The following ANKRD31 variants were observed in gnomAD, a reference collection of about 807,000 sequenced individuals.
ANKRD31 encodes ankyrin repeat domain-containing protein 31.
In ANKRD31, 147 loss-of-function variants were observed where a neutral mutation model predicts 186.0. The observed-to-expected ratio is 0.79, with a 90% CI of 0.69 to 0.91. ANKRD31 has a LOEUF of 0.91. ANKRD31 is among the 40% of genes least tolerant of loss of function. The pLI is 0.00. For synonymous variants in ANKRD31, 673 were observed against 736.4 expected (o/e 0.91, Z 1.39); for missense variants, 1,986 against 2,148.8 (o/e 0.92, Z 1.50).
chr5:75,207,909 C>T (rs1439122320), intron 4 of ANKRD31, among the ~76,000 whole-genome samples: 1 of 150,890 alleles, frequency 6.6e-6, no homozygotes, highest in Non-Finnish European at 1.5e-5. Flanking sequence ...CTTCAGACTC[C>T]TTTATACTCT....
intron 22 of ANKRD31, among the ~76,000 whole-genome samples, chr5:75,103,916 G>A (rs940374817): frequency 3.3e-5 from 5 of 152,064 alleles, no homozygotes; most frequent in African/African-American, 7.2e-5. Context: ...TAATACCTAC[G>A]TTATGGGTTG....
At chr5:75,095,994 C>A (rs747346224) in intron 22 of ANKRD31, among the ~76,000 whole-genome samples, 1 of 152,030 alleles carries the variant, frequency 6.6e-6, no homozygotes, top group Non-Finnish European at 1.5e-5. Flanking sequence ...ACTTAACAGG[C>A]GTCTATAGAA....
chr5:75,072,342 G>T (rs1354719023), intron 25 of ANKRD31, among the ~76,000 whole-genome samples: 1 of 148,896 alleles, frequency 6.7e-6, no homozygotes, highest in Non-Finnish European at 1.5e-5. Context: ...GGGACAGACA[G>T]CTAGGAAGCC....
At chr5:75,162,516 C>A (rs1255819591) in intron 11 of ANKRD31, among the ~76,000 whole-genome samples, 1 of 152,130 alleles carries the variant, frequency 6.6e-6, no homozygotes, top group African/African-American at 2.4e-5. Context: ...GGACTGTGGA[C>A]TTCTGAGTTA....
intron 23 of ANKRD31, among the ~76,000 whole-genome samples, chr5:75,084,772 A>T (rs1299794343): frequency 6.6e-6 from 1 of 152,370 alleles, no homozygotes; most frequent in Non-Finnish European, 1.5e-5. Context: ...AACTTTAAAA[A>T]TTTAATGTTA....
At position 75,193,514 on chromosome 5, in the gene ANKRD31, A is replaced by G. The variant is rs1755257384; in HGVS notation, c.1095T>C (p.Asn365=). ...TTGTCACTGAATTTGAATTTCTCTT[A>G]TTACTTAGTGGCTCACAAGAAGTGA... is the stretch of plus-strand genomic sequence containing the variant. ...QNITSCEPLS[N]KRNSNSVTNS... is the part of the protein sequence containing the mutation. The change falls in exon 8 of 26, where the codon AAT becomes AAC. Residue 365 remains asparagine (N), a synonymous_variant. Transcript: ENST00000506364. 1.3e-6 allele frequency: 2 copies of G among 1,536,932 alleles called. No homozygotes were observed. The highest frequency in any genetic ancestry group is 2.7e-5 in the African/African-American group (2 of 73,024).
At chr5:75,190,748 A>G (rs1320637808) in intron 9 of ANKRD31, among the ~76,000 whole-genome samples, 1 of 151,982 alleles carries the variant, frequency 6.6e-6, no homozygotes, top group Non-Finnish European at 1.5e-5. Flanking sequence ...ACATGTAAAA[A>G]GGGATACTTA....
intron 24 of ANKRD31, among the ~76,000 whole-genome samples, chr5:75,080,993 A>G (rs1006597349): frequency 6.6e-6 from 1 of 152,106 alleles, no homozygotes; most frequent in African/African-American, 2.4e-5. Flanking sequence ...TTCGATATGC[A>G]GAAGAGGGAG....
chr5:75,230,011 G>T (rs1358375182), intron 2 of ANKRD31, among the ~76,000 whole-genome samples: 1 of 152,058 alleles, frequency 6.6e-6, no homozygotes, highest in Non-Finnish European at 1.5e-5. Context: ...GTGCCTGTTA[G>T]GTTCACTGGC....
chr5:75,229,340 G>A (rs2112874), intron 2 of ANKRD31, among the ~76,000 whole-genome samples: 77,242 of 151,956 alleles, frequency 0.51, 22,678 homozygotes, highest in African/African-American at 0.82. Flanking sequence ...ACAAATAGAC[G>A]GGTTCTAGGG....
At chr5:75,130,730 A>C (rs1205940761) in intron 17 of ANKRD31, among the ~76,000 whole-genome samples, 1 of 152,104 alleles carries the variant, frequency 6.6e-6, no homozygotes, top group Non-Finnish European at 1.5e-5. Flanking sequence ...TAGACAGAAA[A>C]GTTCTCCGGG....
chr5:75,085,262 C>T (rs1303091391), intron 23 of ANKRD31, among the ~76,000 whole-genome samples: 1 of 152,192 alleles, frequency 6.6e-6, no homozygotes, highest in Non-Finnish European at 1.5e-5. Flanking sequence ...AAACCATAAG[C>T]TCCTTGAGGA....
intron 11 of ANKRD31, among the ~76,000 whole-genome samples, chr5:75,158,594 A>C (rs1360037324): frequency 1.3e-5 from 2 of 152,140 alleles, no homozygotes; most frequent in Non-Finnish European, 2.9e-5. Context: ...TAGGTGACAC[A>C]AGCAAGATTC....
At position 75,105,247 on chromosome 5, in the gene ANKRD31, T is replaced by C. The variant is rs779112349; in HGVS notation, c.4341-29A>G. On this transcript the variant is annotated intron_variant, in intron 21 of 25. Transcript: ENST00000506364. ...TAGGAAGAAACAGAAAGAGAAAAAA[T>C]GCAATAACAGCAGAAAACTTTTCAA... The C allele has an allele frequency of 3.1e-4, 448 of 1,450,220 alleles. 1 individual carries two copies. Among genetic ancestry groups the C allele is most frequent in the Non-Finnish European group, 3.6e-4 (397 of 1,111,218 alleles). 89.8% of individuals were successfully genotyped at this position (1,450,220 alleles called of 1,614,324 possible).
At chr5:75,077,780 C>T (rs1351343145) in intron 25 of ANKRD31, among the ~76,000 whole-genome samples, 1 of 151,862 alleles carries the variant, frequency 6.6e-6, no homozygotes, top group Non-Finnish European at 1.5e-5. Flanking sequence ...GAAAAATTAG[C>T]TGGGCGTGGT....
chr5:75,170,217 C>T (rs987478124), intron 10 of ANKRD31, among the ~76,000 whole-genome samples: 16 of 152,182 alleles, frequency 1.1e-4, no homozygotes, highest in Admixed American at 1.0e-3. Context: ...TCAATGTCCT[C>T]ATATTTCATA....
intron 1 of ANKRD31, among the ~76,000 whole-genome samples, chr5:75,231,097 GAC>G (rs1462587112): frequency 6.6e-6 from 1 of 151,864 alleles, no homozygotes; most frequent in Non-Finnish European, 1.5e-5. Flanking sequence ...TTTATTTTGA[GAC>G]ACAGTCTCTC....
At chr5:75,129,956 G>A (rs368315417) in intron 17 of ANKRD31, among the ~76,000 whole-genome samples, 40 of 152,310 alleles carry the variant, frequency 2.6e-4, no homozygotes, top group African/African-American at 8.9e-4. Context: ...TCCAGTGGTC[G>A]TAGTGTGTTC....
chr5:75,128,766 G>A (rs112124352), intron 17 of ANKRD31, among the ~76,000 whole-genome samples: 6,599 of 151,050 alleles, frequency 0.044, 242 homozygotes, highest in Admixed American at 0.11. Flanking sequence ...TGCCTGCTTC[G>A]GCCTCCCAAA....
Sources: allele counts gnomAD v4.1 joint callset (sites outside exome capture counted in the v4.1 genomes callset), GRCh38; gene constraint gnomAD v4.1.1; transcripts MANE v1.5; gene names NCBI Gene and HGNC (gene_info 2026-07-23, HGNC 2026-07-21).